The following LINGO2 variants were observed in gnomAD, a reference collection of about 807,000 sequenced individuals.
The protein encoded by LINGO2 is leucine rich repeat and Ig domain containing 2.
In LINGO2, 14 loss-of-function variants were observed where a neutral mutation model predicts 30.6. The observed-to-expected ratio is 0.46, with a 90% confidence interval of 0.30 to 0.72. The LOEUF is 0.72. LINGO2 is among the 30% of genes least tolerant of loss of function. LINGO2 has a pLI of 0.07. For synonymous variants in LINGO2, 317 were observed against 288.5 expected, an observed-to-expected ratio of 1.10 and a Z score of -1.00; for missense variants, 729 against 751.7, an observed-to-expected ratio of 0.97 and a Z score of 0.35.
the LINGO2 span, among the ~76,000 whole-genome samples, chr9:28,762,499 C>T: frequency 5.3e-5 from 8 of 152,068 alleles, no homozygotes; most frequent in African/African-American, 1.9e-4. Context: ...ATAGTCCCTC[C>T]CCCAAACTAA....
At chr9:28,445,327 A>G (rs1365792887) in intron 2 of LINGO2, among the ~76,000 whole-genome samples, 1 of 152,220 alleles carries the variant, frequency 6.6e-6, no homozygotes, top group Non-Finnish European at 1.5e-5. Flanking sequence ...GGCTGGAGAT[A>G]CATGGTCCCT....
chr9:28,685,144 G>T, the LINGO2 span, among the ~76,000 whole-genome samples: 1 of 152,226 alleles, frequency 6.6e-6, no homozygotes, highest in South Asian at 2.1e-4. Context: ...CCATGTTGCT[G>T]CAAAGAAAAT....
At chr9:28,735,079 G>A in the LINGO2 span, among the ~76,000 whole-genome samples, 1 of 151,990 alleles carries the variant, frequency 6.6e-6, no homozygotes, top group Non-Finnish European at 1.5e-5. Context: ...TCTGCAATAT[G>A]TTTACTGTAA....
At chr9:28,563,278 T>G (rs539514741) in intron 1 of LINGO2, among the ~76,000 whole-genome samples, 1 of 152,138 alleles carries the variant, frequency 6.6e-6, no homozygotes, top group Non-Finnish European at 1.5e-5. Flanking sequence ...ACTGTCTACT[T>G]TTTTATACTA....
At chr9:28,224,272 G>A (rs1397749094) in intron 4 of LINGO2, among the ~76,000 whole-genome samples, 1 of 152,150 alleles carries the variant, frequency 6.6e-6, no homozygotes. Context: ...CACCGTGTTA[G>A]CCAGGATGGT....
chr9:28,698,497 T>C, the LINGO2 span, among the ~76,000 whole-genome samples: 108 of 152,200 alleles, frequency 7.1e-4, no homozygotes, highest in Middle Eastern at 0.01. Context: ...GGCAATTGTT[T>C]TAAATCATCT....
At chr9:28,809,400 C>G in the LINGO2 span, among the ~76,000 whole-genome samples, 2 of 152,144 alleles carry the variant, frequency 1.3e-5, no homozygotes, top group Non-Finnish European at 2.9e-5. Flanking sequence ...TTCCCTAAAA[C>G]CATTATTATC....
chr9:29,112,273 C>CA, the LINGO2 span, among the ~76,000 whole-genome samples: 1 of 152,032 alleles, frequency 6.6e-6, no homozygotes, highest in African/African-American at 2.4e-5. Flanking sequence ...ACCCTAGGAC[C>CA]AGCGGCATGA....
the LINGO2 span, among the ~76,000 whole-genome samples, chr9:28,789,027 T>C: frequency 6.6e-6 from 1 of 152,174 alleles, no homozygotes; most frequent in Admixed American, 6.5e-5. Flanking sequence ...TGCCAGATAA[T>C]AAAATAAAAA....
At chr9:28,800,773 T>G in the LINGO2 span, among the ~76,000 whole-genome samples, 1 of 152,066 alleles carries the variant, frequency 6.6e-6, no homozygotes, top group African/African-American at 2.4e-5. Context: ...AAATGATATC[T>G]TACTCTATGC....
chr9:29,073,211 CTTAA>C, the LINGO2 span, among the ~76,000 whole-genome samples: 1 of 151,870 alleles, frequency 6.6e-6, no homozygotes, highest in South Asian at 2.1e-4. Context: ...TGCTCTTTTC[CTTAA>C]TTAACATGGA....
At chr9:28,312,822 T>A (rs1379094591) in intron 3 of LINGO2, among the ~76,000 whole-genome samples, 1 of 152,152 alleles carries the variant, frequency 6.6e-6, no homozygotes, top group Non-Finnish European at 1.5e-5. Flanking sequence ...CAAAGGAGAT[T>A]TCACAGCAGA....
intron 4 of LINGO2, among the ~76,000 whole-genome samples, chr9:28,173,636 G>T (rs947285811): frequency 6.6e-6 from 1 of 152,200 alleles, no homozygotes; most frequent in African/African-American, 2.4e-5. Flanking sequence ...CTTGTAAGAG[G>T]CATGAGCCAG....
chr9:28,886,268 C>T, the LINGO2 span, among the ~76,000 whole-genome samples: 1 of 151,912 alleles, frequency 6.6e-6, no homozygotes, highest in African/African-American at 2.4e-5. Context: ...ACATTATTGG[C>T]TAACATAATT....
chr9:28,984,179 C>T, the LINGO2 span, among the ~76,000 whole-genome samples: 1 of 152,078 alleles, frequency 6.6e-6, no homozygotes, highest in Non-Finnish European at 1.5e-5. Flanking sequence ...ACACATAATA[C>T]AAAATCCGTT....
chr9:28,559,786 T>C (rs890735995), intron 1 of LINGO2, among the ~76,000 whole-genome samples: 15 of 152,074 alleles, frequency 9.9e-5, no homozygotes, highest in African/African-American at 3.6e-4. Context: ...TTTAAGTTGT[T>C]TGGGGGAAAT....
At chr9:28,417,382 T>G (rs1022628309) in intron 2 of LINGO2, among the ~76,000 whole-genome samples, 2 of 152,140 alleles carry the variant, frequency 1.3e-5, no homozygotes, top group Non-Finnish European at 2.9e-5. Context: ...CACTTTAACA[T>G]ATTTTATTTG....
At chr9:28,410,124 G>A (rs1285504169) in intron 2 of LINGO2, among the ~76,000 whole-genome samples, 1 of 145,680 alleles carries the variant, frequency 6.9e-6, no homozygotes, top group Non-Finnish European at 1.5e-5. Context: ...GAGGAAAGGA[G>A]GAAGGGAAAG....
chr9:28,131,477 T>C (rs922849847), intron 4 of LINGO2, among the ~76,000 whole-genome samples: 1 of 152,154 alleles, frequency 6.6e-6, no homozygotes, highest in African/African-American at 2.4e-5. Context: ...ATCTTTTTTA[T>C]CTCCCCAAAA....
Sources: gnomAD v4.1 joint callset for allele counts (sites outside exome capture counted in the v4.1 genomes callset) on GRCh38, gnomAD v4.1.1 for gene constraint, MANE v1.5 for transcripts, NCBI Gene and HGNC (gene_info 2026-07-23, HGNC 2026-07-21) for gene names.